CHD5: variants seen among roughly 807,000 people sequenced by gnomAD.
The protein encoded by CHD5 is chromodomain helicase DNA binding protein 5.
CHD5 carries 69 observed loss-of-function variants against 230.3 expected under a neutral mutation model. That is an observed-to-expected ratio of 0.30 (90% CI 0.25 to 0.37). CHD5 has a LOEUF of 0.37. Ranked by LOEUF, CHD5 falls within the 10% of genes least tolerant of loss-of-function variation. CHD5 has a pLI of 1.00. For synonymous variants in CHD5, 1,064 were observed against 1,065.9 expected (o/e 1.00, Z 0.03); for missense variants, 1,827 against 2,622.8 (o/e 0.70, Z 6.63).
chr1:6,140,754 C>T (rs1361241679), intron 15 of CHD5, among the ~76,000 whole-genome samples: 1 of 151,288 alleles, frequency 6.6e-6, no homozygotes, highest in Non-Finnish European at 1.5e-5. Flanking sequence ...AATCCCCATG[C>T]TTTGGGAGGC....
intron 15 of CHD5, among the ~76,000 whole-genome samples, chr1:6,141,150 G>A (rs538214453): frequency 2.6e-5 from 4 of 151,196 alleles, no homozygotes; most frequent in South Asian, 2.1e-4. Context: ...TGGGCATTGC[G>A]GCATGTGCCT....
intron 33 of CHD5, among the ~76,000 whole-genome samples, chr1:6,119,749 ACGTACATACGTG>A (rs893513365): frequency 5.3e-5 from 8 of 151,624 alleles, no homozygotes; most frequent in African/African-American, 1.9e-4. Context: ...GTACATATGT[ACGTACATACGTG>A]CGTACATACG....
chr1:6,106,278 G>T lies in CHD5; in HGVS notation c.*2C>A. 1 of 1,612,824 alleles carries T rather than the reference G, an allele frequency of 6.2e-7. No homozygotes were observed. Among genetic ancestry groups the T allele is most frequent in the African/African-American group, 1.3e-5 (1 of 75,060 alleles). ...TGCAACACAGGGAAGTCTCGAGGACGGCTAGATATCTGTCAAAAAAAGAGG... is the reference window on the plus strand; with the variant it reads ...TGCAACACAGGGAAGTCTCGAGGACTGCTAGATATCTGTCAAAAAAAGAGG... On this transcript the variant is annotated 3_prime_UTR_variant, in exon 41 of 42. Transcript: ENST00000262450.
intron 3 of CHD5, among the ~76,000 whole-genome samples, chr1:6,157,905 C>T (rs1217020659): frequency 6.6e-6 from 1 of 152,212 alleles, no homozygotes; most frequent in Non-Finnish European, 1.5e-5. Flanking sequence ...CATGAAATCA[C>T]CCCAGGTGTC....
rs1326766647 is a variant in CHD5 at position 6,146,648 on chromosome 1, C to G, written c.1590+17G>C. On this transcript the variant is annotated intron_variant, in intron 10 of 41. Coordinates refer to ENST00000262450, the MANE Select transcript of CHD5 (RefSeq NM_015557.3). The surrounding 1 kb of genome is among the most constrained non-coding windows in gnomAD (Gnocchi z 5.1). ...CAGGTCCCGGGCCTTAGCACAGCCACCCTCCCGGGCACTCACCTGTAGCTC... is the reference window on the plus strand; with the variant it reads ...CAGGTCCCGGGCCTTAGCACAGCCAGCCTCCCGGGCACTCACCTGTAGCTC... 6.2e-7 allele frequency: 1 copy of G among 1,613,060 alleles called. No individual in the cohort carries two copies. Among genetic ancestry groups the G allele is most frequent in the East Asian group, 2.2e-5 (1 of 44,872 alleles).
chr1:6,112,406 G>T, intron 34 of CHD5, 129 bp from the exon 35 acceptor site: 2 of 1,163,030 alleles, frequency 1.7e-6, no homozygotes, highest in South Asian at 2.9e-5. Context: ...GGGACTCGCT[G>T]CCCAGAAGGG....
At position 6,121,666 on chromosome 1, in the gene CHD5, T is replaced by C; in HGVS notation, c.4700-93A>G. 1.2e-6 allele frequency: 1 copy of C among 866,640 alleles called. No individual in the cohort carries two copies. Among genetic ancestry groups the C allele is most frequent in the East Asian group, 2.6e-5 (1 of 38,098 alleles). The allele number at this position is 866,640 out of a possible 1,614,324, so 53.7% of individuals were successfully genotyped here. A position where few individuals can be genotyped will look rare whatever the true frequency, so the allele number is the denominator to read the frequency against. On this transcript the variant is annotated intron_variant, in intron 31 of 41. Transcript: ENST00000262450. This position sits in a 1 kb window ranked among gnomAD's most constrained non-coding sequence, Gnocchi z 4.5. ...GTGGCAGAGAGGAGAGATGGGGGCT[T>C]GGCCTTCGGGAGGCTCCACTGCAGC...
chr1:6,152,157 CA>C (rs1252860784), intron 6 of CHD5, among the ~76,000 whole-genome samples: 2 of 152,180 alleles, frequency 1.3e-5, no homozygotes, highest in Non-Finnish European at 2.9e-5. Flanking sequence ...GAGGGTGAGC[CA>C]GGGGAGCACT....
chr1:6,171,375 G>C lies in CHD5; in HGVS notation c.80-3098C>G, dbSNP rs948671267. ...GCCTGGTGAAACCCACCTCTGAGAA[G>C]GCTCTGGAACTGGCACACGGAGACG... On this transcript the variant is annotated intron_variant, in intron 1 of 41. Coordinates refer to ENST00000262450, the MANE Select transcript of CHD5 (RefSeq NM_015557.3). Among the ~76,000 whole-genome samples the C allele has an allele frequency of 2.0e-5, 3 of 152,146 alleles. No homozygotes were observed. In the East Asian group the frequency reaches 5.8e-4, roughly 29 times the overall value.
In CHD5 at chr1:6,135,457, G is replaced by A. The variant is rs533301217; in HGVS notation, c.2697-54C>T. ...GGAGCAGAGGACCGGGGCAGGGGAG[G>A]CAGGGTGCAGAGCGCCTAGCCCATG... is the stretch of plus-strand genomic sequence containing the variant. On this transcript the variant is annotated intron_variant, in intron 17 of 41. Transcript: ENST00000262450. The A allele has an allele frequency of 6.5e-6, 10 of 1,528,274 alleles. No homozygotes were observed. In the Admixed American group the frequency reaches 9.2e-5, roughly 14 times the overall value. The allele number at this position is 1,528,274 out of a possible 1,614,324, so 94.7% of individuals were successfully genotyped here.
Position 6,102,730 on chromosome 1 carries a change from C to T in CHD5, c.*2744G>A, listed in dbSNP as rs1377338055. ...CCCCCAAAAGCAGGAGGACTTCAAT[C>T]ATAGGGGGCAGGGAAAGTCCAGCCT... is the stretch of plus-strand genomic sequence containing the variant. On this transcript the variant is annotated 3_prime_UTR_variant, in exon 42 of 42. Transcript: ENST00000262450. The T allele has an allele frequency of 6.6e-6, 1 of 152,042 alleles. No individual in the cohort carries two copies. Among genetic ancestry groups the T allele is most frequent in the African/African-American group, 2.4e-5 (1 of 41,446 alleles). 9.4% of individuals were successfully genotyped at this position (152,042 alleles called of 1,614,324 possible).
chr1:6,152,618 T>TA, intron 5 of CHD5, 82 bp from the exon 6 acceptor site: 1 of 1,598,120 alleles, frequency 6.3e-7, no homozygotes, highest in Admixed American at 1.7e-5. Context: ...AGCTCTCGGT[T>TA]ACCCAATAAG....
chr1:6,122,658 G>A lies in CHD5; in HGVS notation c.4700-1085C>T, dbSNP rs115212359. 8.9e-3 allele frequency among the ~76,000 whole-genome samples: 1,348 copies of A among 152,246 alleles called. 18 individuals carry two copies. Among genetic ancestry groups the A allele is most frequent in the African/African-American group, 0.03 (1,258 of 41,538 alleles). On this transcript the variant is annotated intron_variant, in intron 31 of 41. Coordinates refer to ENST00000262450, the MANE Select transcript of CHD5 (RefSeq NM_015557.3). ...ATATCTGCCCAAAAGAACTCAAAACGTATGTCCACGCAAAAACATAAAACA... is the reference window on the plus strand; with the variant it reads ...ATATCTGCCCAAAAGAACTCAAAACATATGTCCACGCAAAAACATAAAACA...
In CHD5 at chr1:6,154,946, G is replaced by C; in HGVS notation, c.507-48C>G. ...GTGAGGGCAAGGCCAGGTGAGATGA[G>C]AGGCCCACCCGACCCCCGGCAGGGC... On this transcript the variant is annotated intron_variant, in intron 4 of 41. Transcript: ENST00000262450. The surrounding 1 kb of genome is among the most constrained non-coding windows in gnomAD (Gnocchi z 7.0). The C allele has an allele frequency of 3.9e-6, 6 of 1,547,414 alleles. No homozygotes were observed. Among genetic ancestry groups the C allele is most frequent in the Non-Finnish European group, 4.4e-6 (5 of 1,130,820 alleles).
Position 6,124,666 on chromosome 1 carries a change from G to GA in CHD5, c.4395-6_4395-5insT. 8 of 1,425,962 alleles carry GA rather than the reference G, an allele frequency of 5.6e-6. No individual in the cohort carries two copies. The highest frequency in any genetic ancestry group is 5.7e-6 in the Non-Finnish European group (6 of 1,047,362). The allele number at this position is 1,425,962 out of a possible 1,614,324, so 88.3% of individuals were successfully genotyped here. ...ATGAAGAGGGACACATAGGCTCTGG[G>GA]GTGGGGGGGGGGGACTGGGGCTCAG... On this transcript the variant is annotated splice_region_variant and splice_polypyrimidine_tract_variant and intron_variant, in intron 29 of 41. Coordinates refer to ENST00000262450, the MANE Select transcript of CHD5 (RefSeq NM_015557.3).
chr1:6,135,881 A>G (rs1254060086), intron 17 of CHD5, among the ~76,000 whole-genome samples: 1 of 152,244 alleles, frequency 6.6e-6, no homozygotes, highest in East Asian at 1.9e-4. Context: ...GTGGTGACAC[A>G]TGCCTGTAAT....
rs754661119 is a variant in CHD5 at position 6,154,701 on chromosome 1, T to C, written c.704A>G (p.Gln235Arg). The C allele has an allele frequency of 1.7e-5, 27 of 1,600,698 alleles. No individual in the cohort carries two copies. The East Asian group carries it at 5.8e-4, about 34-fold the overall frequency. The stretch of plus-strand genomic sequence containing the variant: ...CTTGGCCTTGCGGATAGGCACAGGC[T>C]GGGGCACCTGCGGGGGGCTGACGGC... ...PLAVSPPQVP[Q>R]PVPIRKAKTK... The change falls in exon 5 of 42, where the codon CAG becomes CGG. Residue 235 changes from glutamine (Q) to arginine (R), a missense_variant. Physicochemically the swap from Gln to Arg is conservative, Grantham distance 43. Around this residue, in one of 14 missense-constraint regions of CHD5, gnomAD observed 657 missense variants for 816.4 expected, o/e 0.80. Coordinates refer to ENST00000262450, the MANE Select transcript of CHD5 (RefSeq NM_015557.3). The surrounding 1 kb of genome is among the most constrained non-coding windows in gnomAD (Gnocchi z 7.0).
chr1:6,147,974 TGAGAG>T (rs1472650490), intron 9 of CHD5, among the ~76,000 whole-genome samples: 1 of 151,616 alleles, frequency 6.6e-6, no homozygotes, highest in Non-Finnish European at 1.5e-5. Context: ...GGGAAGAAGC[TGAGAG>T]GAACCCCACT....
In CHD5 at chr1:6,128,345, A is replaced by C; in HGVS notation, c.3731-127T>G. ...GGGGCTGCAGCTGAGAGGCATGGTGACCAGACAGAGGAAACTGCGCTGTAA... is the reference window on the plus strand; with the variant it reads ...GGGGCTGCAGCTGAGAGGCATGGTGCCCAGACAGAGGAAACTGCGCTGTAA... On this transcript the variant is annotated intron_variant, in intron 24 of 41. Coordinates refer to ENST00000262450, the MANE Select transcript of CHD5 (RefSeq NM_015557.3). The surrounding 1 kb of genome is among the most constrained non-coding windows in gnomAD (Gnocchi z 7.8). 8.6e-7 allele frequency: 1 copy of C among 1,157,902 alleles called. No homozygotes were observed. The highest frequency in any genetic ancestry group is 1.2e-6 in the Non-Finnish European group (1 of 805,976). 71.7% of individuals were successfully genotyped at this position (1,157,902 alleles called of 1,614,324 possible).
Sources: allele counts gnomAD v4.1 joint callset (sites outside exome capture counted in the v4.1 genomes callset), GRCh38; gene constraint gnomAD v4.1.1; regional missense constraint gnomAD v4.1.1; non-coding constraint Gnocchi (gnomAD v3.1); transcripts MANE v1.5; gene names NCBI Gene and HGNC (gene_info 2026-07-23, HGNC 2026-07-21).